The following OR2L3 variants were observed in gnomAD, a reference collection of about 807,000 sequenced individuals.
OR2L3 encodes olfactory receptor 2L3.
For missense variants in OR2L3, 369 were observed against 376.6 expected (o/e 0.98, Z 0.17); for synonymous variants, 131 against 139.1 (o/e 0.94, Z 0.41).
chr1:248,061,377 G>C lies in OR2L3; in HGVS notation c.696G>C (p.Gly232=). The change falls in exon 2 of 2, where the codon GGG becomes GGC. Residue 232 remains glycine (G), a synonymous_variant. Coordinates refer to ENST00000359959, the MANE Select transcript of OR2L3 (RefSeq NM_001004687.2). ...LAVYHMKSAE[G]RKKAYLTCST... ...TCTACCACATGAAATCTGCAGAAGG[G>C]AGGAAGAAAGCCTACCTGACCTGCA... 1 of 1,614,068 alleles carries C rather than the reference G, an allele frequency of 6.2e-7. No individual in the cohort carries two copies. The highest frequency in any genetic ancestry group is 8.5e-7 in the Non-Finnish European group (1 of 1,180,016).
At chr1:248,054,197 C>G (rs1663360377) in intron 1 of OR2L3, among the ~76,000 whole-genome samples, 1 of 152,262 alleles carries the variant, frequency 6.6e-6, no homozygotes, top group East Asian at 1.9e-4. Context: ...TCTCCCAGCA[C>G]CATTTATTAA....
intron 1 of OR2L3, among the ~76,000 whole-genome samples, chr1:248,057,041 G>C (rs537545342): frequency 1.3e-5 from 2 of 152,182 alleles, no homozygotes; most frequent in South Asian, 4.1e-4. Flanking sequence ...ATTTGCTGAG[G>C]AGAGTTTTAC....
At chr1:248,051,597 G>A (rs1283089874) in intron 1 of OR2L3, among the ~76,000 whole-genome samples, 1 of 152,080 alleles carries the variant, frequency 6.6e-6, no homozygotes, top group African/African-American at 2.4e-5. Flanking sequence ...GGAGAGTGAG[G>A]GAGGAGGCAA....
At chr1:248,048,899 C>T (rs1663167530) in intron 1 of OR2L3, among the ~76,000 whole-genome samples, 2 of 148,794 alleles carry the variant, frequency 1.3e-5, no homozygotes, top group African/African-American at 5.1e-5. Context: ...GCCTCCCCAG[C>T]TTTTTCTTTC....
intron 1 of OR2L3, among the ~76,000 whole-genome samples, chr1:248,054,266 G>A (rs1663362602): frequency 6.6e-6 from 1 of 152,132 alleles, no homozygotes; most frequent in African/African-American, 2.4e-5. Flanking sequence ...TCAGATGGTT[G>A]TAGATGTGCA....
At position 248,062,639 on chromosome 1, in the gene OR2L3, A is replaced by C. The variant is rs1248062289; in HGVS notation, c.*1019A>C. On this transcript the variant is annotated 3_prime_UTR_variant, in exon 2 of 2. Coordinates refer to ENST00000359959, the MANE Select transcript of OR2L3 (RefSeq NM_001004687.2). ...GCAAAAATATAATTAGATAGAATGA[A>C]TAAGAGTATTTGATAGCACAATAGA... The C allele has an allele frequency of 6.6e-6, 1 of 152,232 alleles. No individual in the cohort carries two copies. The highest frequency in any genetic ancestry group is 1.5e-5 in the Non-Finnish European group (1 of 68,042). 9.4% of individuals were successfully genotyped at this position (152,232 alleles called of 1,614,324 possible). A position where few individuals can be genotyped will look rare whatever the true frequency, so the allele number is the denominator to read the frequency against.
intron 1 of OR2L3, among the ~76,000 whole-genome samples, chr1:248,052,803 A>G (rs1480576383): frequency 1.3e-5 from 2 of 151,952 alleles, no homozygotes; most frequent in African/African-American, 4.8e-5. Flanking sequence ...AGATTTTTTG[A>G]CTACTGAGGA....
chr1:248,048,054 G>C (rs750496753), intron 1 of OR2L3, among the ~76,000 whole-genome samples: 1 of 152,174 alleles, frequency 6.6e-6, no homozygotes, highest in African/African-American at 2.4e-5. Flanking sequence ...ACAGCGTGAA[G>C]CAGAGTAAGC....
chr1:248,062,226 G>A lies in OR2L3; in HGVS notation c.*606G>A, dbSNP rs147938027. 6.0e-4 allele frequency: 92 copies of A among 152,282 alleles called. No homozygotes were observed. Among genetic ancestry groups the A allele is most frequent in the African/African-American group, 1.9e-3 (79 of 41,538 alleles). 9.4% of individuals were successfully genotyped at this position (152,282 alleles called of 1,614,324 possible). A position where few individuals can be genotyped will look rare whatever the true frequency, so the allele number is the denominator to read the frequency against. On this transcript the variant is annotated 3_prime_UTR_variant, in exon 2 of 2. Coordinates refer to ENST00000359959, the MANE Select transcript of OR2L3 (RefSeq NM_001004687.2). ...GTTCTTTATAGGGGAATGAATCCCA[G>A]GAAATGATTTAACATTAGGTATATT...
In OR2L3 at chr1:248,062,279, C is replaced by G. The variant is rs1311406903; in HGVS notation, c.*659C>G. ...AGATCAACAAAAGGACTGGAACATG[C>G]CAGCAGTAATAAAAATGATTACATT... On this transcript the variant is annotated 3_prime_UTR_variant, in exon 2 of 2. Transcript: ENST00000359959. 1 of 152,134 alleles carries G rather than the reference C, an allele frequency of 6.6e-6. No individual in the cohort carries two copies. Among genetic ancestry groups the G allele is most frequent in the Non-Finnish European group, 1.5e-5 (1 of 68,046 alleles). The allele number at this position is 152,134 out of a possible 1,614,324, so 9.4% of individuals were successfully genotyped here.
At chr1:248,047,070 A>C (rs1005346356) in intron 1 of OR2L3, among the ~76,000 whole-genome samples, 190 bp downstream of exon 1, 2 of 152,164 alleles carry the variant, frequency 1.3e-5, no homozygotes, top group Non-Finnish European at 2.9e-5. Context: ...ATGGTTTTGA[A>C]CCTAATTCAT....
intron 1 of OR2L3, among the ~76,000 whole-genome samples, chr1:248,049,833 C>T (rs974300256): frequency 4.8e-4 from 73 of 152,170 alleles, no homozygotes; most frequent in African/African-American, 1.8e-3. Flanking sequence ...AACTACACCA[C>T]ACATTTTTAA....
intron 1 of OR2L3, among the ~76,000 whole-genome samples, chr1:248,053,396 A>C (rs910346519): frequency 6.6e-6 from 1 of 152,150 alleles, no homozygotes; most frequent in African/African-American, 2.4e-5. Context: ...GCTATTGTGG[A>C]TAGTGCTGCA....
At chr1:248,060,238 T>A (rs1161826631) in intron 1 of OR2L3, among the ~76,000 whole-genome samples, 1 of 152,214 alleles carries the variant, frequency 6.6e-6, no homozygotes, top group Non-Finnish European at 1.5e-5. Context: ...GTAATAGAGA[T>A]ATCTTTCTTA....
intron 1 of OR2L3, among the ~76,000 whole-genome samples, chr1:248,051,855 G>A (rs1289041220): frequency 6.6e-6 from 1 of 151,954 alleles, no homozygotes; most frequent in African/African-American, 2.4e-5. Flanking sequence ...AAGTTTTGGA[G>A]GAATTACAAT....
At chr1:248,052,610 A>G (rs1361368136) in intron 1 of OR2L3, among the ~76,000 whole-genome samples, 1 of 152,126 alleles carries the variant, frequency 6.6e-6, no homozygotes, top group Non-Finnish European at 1.5e-5. Flanking sequence ...GGGCACCTGT[A>G]GTCCCAGCTA....
intron 1 of OR2L3, among the ~76,000 whole-genome samples, chr1:248,049,313 G>A (rs1208443489): frequency 2.6e-5 from 4 of 152,162 alleles, no homozygotes; most frequent in Non-Finnish European, 4.4e-5. Flanking sequence ...TTGAAGGATA[G>A]GAAAGAGATC....
rs1418916024 is a variant in OR2L3 at position 248,052,872 on chromosome 1, T to G, written c.-22+5992T>G. Among the ~76,000 whole-genome samples, 7 of 152,184 alleles carry G rather than the reference T, an allele frequency of 4.6e-5. No individual in the cohort carries two copies. In the East Asian group the frequency reaches 1.3e-3, roughly 29 times the overall value. ...TTTTCTGTTTCTGAAAAAAAAAATT[T>G]ATCATTTTAATTTTGATAGAGATTC... On this transcript the variant is annotated intron_variant, in intron 1 of 1. Coordinates refer to ENST00000359959, the MANE Select transcript of OR2L3 (RefSeq NM_001004687.2).
intron 1 of OR2L3, among the ~76,000 whole-genome samples, chr1:248,048,622 C>T (rs1001597951): frequency 2.0e-5 from 3 of 152,108 alleles, no homozygotes; most frequent in East Asian, 3.9e-4. Context: ...AAGGTTGACT[C>T]ATGGAGTCAA....
Sources: gnomAD v4.1 joint callset for allele counts (sites outside exome capture counted in the v4.1 genomes callset) on GRCh38, gnomAD v4.1.1 for gene constraint, MANE v1.5 for transcripts, NCBI Gene and HGNC (gene_info 2026-07-23, HGNC 2026-07-21) for gene names.